SETD2: variants seen among roughly 807,000 people sequenced by gnomAD.
The protein encoded by SETD2 is histone-lysine N-methyltransferase SETD2.
A neutral mutation model predicts 242.1 loss-of-function variants in SETD2; 31 were observed. The observed-to-expected ratio is 0.13, with a 90% CI of 0.10 to 0.17. The LOEUF (loss-of-function observed/expected upper bound fraction) is 0.17, where lower values mean the gene tolerates loss of function less well. SETD2 is among the 10% of genes least tolerant of loss of function. SETD2 has a pLI of 1.00. For synonymous variants in SETD2, 1,006 were observed against 1,066.5 expected (o/e 0.94, Z 1.11); for missense variants, 2,481 against 3,046.3 (o/e 0.81, Z 4.37).
At chr3:47,022,582 C>T (rs1245359327) in intron 18 of SETD2, among the ~76,000 whole-genome samples, 2 of 152,178 alleles carry the variant, frequency 1.3e-5, no homozygotes, top group African/African-American at 4.8e-5. Context: ...CGAGTGCTTC[C>T]AGATCCTCAG....
chr3:47,032,825 T>C (rs1312528975), intron 18 of SETD2, among the ~76,000 whole-genome samples: 1 of 151,444 alleles, frequency 6.6e-6, no homozygotes, highest in Non-Finnish European at 1.5e-5. Flanking sequence ...GGCATGAGAA[T>C]CGTTTGAACC....
At chr3:47,071,997 C>G (rs963246187) in intron 12 of SETD2, among the ~76,000 whole-genome samples, 2 of 152,092 alleles carry the variant, frequency 1.3e-5, no homozygotes, top group African/African-American at 4.8e-5. Context: ...TGTTCCTGAG[C>G]TAAACAACAC....
chr3:47,155,505 A>T (rs1196359801), intron 1 of SETD2, among the ~76,000 whole-genome samples: 8 of 152,170 alleles, frequency 5.3e-5, no homozygotes, highest in Non-Finnish European at 7.3e-5. Context: ...AAAGTTTAAA[A>T]TTTTTTCAAA....
chr3:47,114,055 A>C (rs1242005650), intron 4 of SETD2, 51 bp from the exon 5 acceptor site: 1 of 1,574,642 alleles, frequency 6.4e-7, no homozygotes, highest in Non-Finnish European at 8.6e-7. Flanking sequence ...CAAAAGAACC[A>C]AAGTAACTTT....
At chr3:47,045,344 C>T (rs1368023321) in intron 16 of SETD2, among the ~76,000 whole-genome samples, 1 of 151,842 alleles carries the variant, frequency 6.6e-6, no homozygotes, top group African/African-American at 2.4e-5. Context: ...ACAGCGAAAC[C>T]CCGTCTCTAC....
At chr3:47,029,225 A>ATT (rs1264482013) in intron 18 of SETD2, among the ~76,000 whole-genome samples, 1 of 145,782 alleles carries the variant, frequency 6.9e-6, no homozygotes, top group Non-Finnish European at 1.5e-5. Flanking sequence ...AACATGCCTA[A>ATT]TTTTTTTTTT....
At chr3:47,149,675 C>T (rs1265016998) in intron 1 of SETD2, among the ~76,000 whole-genome samples, 1 of 152,178 alleles carries the variant, frequency 6.6e-6, no homozygotes, top group Non-Finnish European at 1.5e-5. Context: ...TGATCCCCAT[C>T]CCAGTAGAAG....
chr3:47,066,706 A>G (rs553988921), intron 13 of SETD2, among the ~76,000 whole-genome samples: 1 of 152,186 alleles, frequency 6.6e-6, no homozygotes, highest in South Asian at 2.1e-4. Context: ...TATAGGTTTA[A>G]GAATGTCTGC....
chr3:47,124,612 A>G, intron 2 of SETD2, 64 bp from the exon 3 acceptor site: 3 of 1,362,616 alleles, frequency 2.2e-6, no homozygotes, highest in South Asian at 1.5e-5. Context: ...TGGACTGCAC[A>G]GTTTAAAATG....
rs57758709 is a variant in SETD2 at position 47,063,713 on chromosome 3, T to A, written c.6110-1367A>T. Among the ~76,000 whole-genome samples the A allele has an allele frequency of 9.8e-3, 1,499 of 152,216 alleles. 30 individuals are homozygous for A. Among genetic ancestry groups the A allele is most frequent in the African/African-American group, 0.035 (1,445 of 41,542 alleles). On this transcript the variant is annotated intron_variant, in intron 13 of 20. Transcript: ENST00000409792. ...TAAGAAGTCAATCTCGGCCGGGCAC[T>A]GTGGCTCACGCTTGTAATCCCAGCA...
At chr3:47,098,214 A>G in intron 8 of SETD2, 133 bp from the exon 9 acceptor site, 1 of 746,960 alleles carries the variant, frequency 1.3e-6, no homozygotes, top group South Asian at 2.7e-5. Context: ...AGAGATTCCA[A>G]CAAGTCTGCT....
chr3:47,149,736 A>G (rs1304790071), intron 1 of SETD2, among the ~76,000 whole-genome samples: 1 of 152,210 alleles, frequency 6.6e-6, no homozygotes, highest in Non-Finnish European at 1.5e-5. Context: ...TCCTTAGCAC[A>G]GGTCTGGCAT....
intron 5 of SETD2, among the ~76,000 whole-genome samples, chr3:47,112,450 T>C (rs1178092382): frequency 6.6e-6 from 1 of 151,950 alleles, no homozygotes; most frequent in Non-Finnish European, 1.5e-5. Context: ...TCCAGCTAAT[T>C]TTTGTATTTT....
chr3:47,117,279 AACAAAC>A (rs2042897074), intron 3 of SETD2, among the ~76,000 whole-genome samples: 2 of 84,286 alleles, frequency 2.4e-5, no homozygotes, highest in African/African-American at 5.7e-5. Flanking sequence ...AAAAAAAAAA[AACAAAC>A]AAAAAAAAAA....
chr3:47,054,755 G>T (rs1173207349), intron 15 of SETD2, among the ~76,000 whole-genome samples: 5 of 152,006 alleles, frequency 3.3e-5, no homozygotes, highest in African/African-American at 1.2e-4. Context: ...ATGTTTAATG[G>T]AATGCTATTT....
chr3:47,041,495 A>G (rs568298533), intron 17 of SETD2: 2 of 252,818 alleles, frequency 7.9e-6, no homozygotes, highest in South Asian at 7.3e-5. Context: ...TACAAAAAAA[A>G]GAAAAAAAAA....
chr3:47,053,760 T>A (rs2107567338), intron 15 of SETD2, among the ~76,000 whole-genome samples: 1 of 152,264 alleles, frequency 6.6e-6, no homozygotes, highest in East Asian at 1.9e-4. Flanking sequence ...GAGGTCAGAT[T>A]TTTAGGGCTA....
At chr3:47,070,977 C>T (rs999679355) in intron 12 of SETD2, among the ~76,000 whole-genome samples, 8 of 152,082 alleles carry the variant, frequency 5.3e-5, no homozygotes, top group Non-Finnish European at 7.4e-5. Flanking sequence ...CTCAAGTGAT[C>T]CTCCTGTCTT....
chr3:47,106,143 T>C (rs753962701), intron 5 of SETD2, 23 bp from the exon 6 acceptor site: 3 of 1,604,418 alleles, frequency 1.9e-6, no homozygotes, highest in Admixed American at 1.7e-5. Context: ...AGGAAAAAAA[T>C]AGCACTTCCT....
Sources: gnomAD v4.1 joint callset for allele counts (sites outside exome capture counted in the v4.1 genomes callset) on GRCh38, gnomAD v4.1.1 for gene constraint, MANE v1.5 for transcripts, NCBI Gene and HGNC (gene_info 2026-07-23, HGNC 2026-07-21) for gene names.